Variants in MYO1A observed in about 807,000 individuals in gnomAD.
The protein encoded by MYO1A is myosin IA, also known as unconventional myosin-Ia.
MYO1A carries 127 observed loss-of-function variants against 138.5 expected under a neutral mutation model. That is an observed-to-expected ratio of 0.92 (90% confidence interval 0.79 to 1.06). The LOEUF (loss-of-function observed/expected upper bound fraction) is 1.06. MYO1A is among the 50% of genes least tolerant of loss of function. The pLI, the probability that MYO1A is intolerant of heterozygous loss-of-function variation, is 0.00. For synonymous variants in MYO1A, 477 were observed against 497.5 expected, an observed-to-expected ratio of 0.96 and a Z score of 0.55; for missense variants, 1,211 against 1,288.8, an observed-to-expected ratio of 0.94 and a Z score of 0.92.
In MYO1A at chr12:57,030,302, C is replaced by A. The variant is rs727504563; in HGVS notation, c.2499G>T (p.Arg833=). 37 of 1,613,990 alleles carry A rather than the reference C, an allele frequency of 2.3e-5. No individual in the cohort carries two copies. Among genetic ancestry groups the A allele is most frequent in the Non-Finnish European group, 3.0e-5 (35 of 1,180,018 alleles). ...CTACCTGCTTCGGGGACAGCTGATC[C>A]CGGAACCTCTTGCACTGTGAGGAAG... The part of the protein sequence containing the change: ...LFYQWKCKRF[R]DQLSPKQVEI... Residue 833 remains arginine, a synonymous_variant, in exon 24 of 28, where the codon CGG becomes CGT. Coordinates refer to ENST00000300119, the MANE Select transcript of MYO1A (RefSeq NM_005379.4).
At chr12:57,049,081 T>G (rs182924720) in intron 1 of MYO1A, among the ~76,000 whole-genome samples, 13 of 152,342 alleles carry the variant, frequency 8.5e-5, no homozygotes, top group Non-Finnish European at 1.5e-4. Flanking sequence ...TTTCCATCTC[T>G]AGCTTTTACA....
intron 8 of MYO1A, among the ~76,000 whole-genome samples, chr12:57,044,699 T>G (rs577670402): frequency 5.2e-4 from 79 of 152,358 alleles, no homozygotes; most frequent in Admixed American, 2.7e-3. Flanking sequence ...ACTAAATTTT[T>G]AAGTATACTT....
At position 57,041,229 on chromosome 12, in the gene MYO1A, G is replaced by A. The variant is rs1475547188; in HGVS notation, c.1224C>T (p.Phe408=). The stretch of plus-strand genomic sequence containing the variant: ...GCTCTTCTTTCAGGGTCATCTCTAT[G>A]AACACCTGCTGCAGCTTCTCATTGC... ...NYCNEKLQQV[F]IEMTLKEEQE... is the part of the protein sequence containing the mutation. Residue 408 remains phenylalanine, a synonymous_variant, in exon 14 of 28, where the codon TTC becomes TTT. Transcript: ENST00000300119. 2 of 1,613,792 alleles carry A rather than the reference G, an allele frequency of 1.2e-6. No homozygotes were observed. Among genetic ancestry groups the A allele is most frequent in the African/African-American group, 2.7e-5 (2 of 74,912 alleles).
In MYO1A at chr12:57,028,683, C is replaced by G; in HGVS notation, c.*72G>C. On this transcript the variant is annotated 3_prime_UTR_variant, in exon 28 of 28. Coordinates refer to ENST00000300119, the MANE Select transcript of MYO1A (RefSeq NM_005379.4). ...ATCAGAGGGGTTAGAGATCCTCCCA[C>G]ACAGGAGGGCAGAGGGGGATTAGTG... is the stretch of plus-strand genomic sequence containing the variant. The G allele has an allele frequency of 6.3e-7, 1 of 1,591,804 alleles. No homozygotes were observed. The highest frequency in any genetic ancestry group is 8.6e-7 in the Non-Finnish European group (1 of 1,165,702).
At position 57,046,611 on chromosome 12, in the gene MYO1A, C is replaced by G; in HGVS notation, c.581G>C (p.Gly194Ala). ...EKSRLVKQLKGERNFHIFYQL... is the reference protein window; with the variant it reads ...EKSRLVKQLKAERNFHIFYQL... ...ATAGAAGATGTGGAAGTTCCTTTCT[C>G]CTTTGAGCTGCTTCACTAATCGGGA... Residue 194 changes from glycine to alanine, a missense_variant, in exon 8 of 28, where the codon GGA (glycine) becomes GCA (alanine). By Grantham distance (60) the Gly-to-Ala change is moderately conservative (BLOSUM62 0). Coordinates refer to ENST00000300119, the MANE Select transcript of MYO1A (RefSeq NM_005379.4). 6.2e-7 allele frequency: 1 copy of G among 1,614,068 alleles called. No individual in the cohort carries two copies. Among genetic ancestry groups the G allele is most frequent in the Non-Finnish European group, 8.5e-7 (1 of 1,179,996 alleles).
Position 57,036,759 on chromosome 12 carries a change from C to T in MYO1A, c.2274+13G>A. On this transcript the variant is annotated intron_variant, in intron 21 of 27. Coordinates refer to ENST00000300119, the MANE Select transcript of MYO1A (RefSeq NM_005379.4). ...AAACAATGTGAGGAAACCTCTCTTC[C>T]ACTCTCCATTACCTTCCACCCTCTC... 6.2e-7 allele frequency: 1 copy of T among 1,613,996 alleles called. No individual in the cohort carries two copies. Among genetic ancestry groups the T allele is most frequent in the South Asian group, 1.1e-5 (1 of 91,084 alleles).
intron 22 of MYO1A, among the ~76,000 whole-genome samples, chr12:57,035,793 T>A (rs2030510942): frequency 6.6e-6 from 1 of 152,230 alleles, no homozygotes; most frequent in African/African-American, 2.4e-5. Flanking sequence ...CCATCCAGCC[T>A]GACCCACGTC....
intron 8 of MYO1A, 111 bp downstream of exon 8, chr12:57,046,441 G>A (rs2031091010): frequency 3.6e-6 from 3 of 824,844 alleles, no homozygotes; most frequent in Non-Finnish European, 6.3e-6. Flanking sequence ...GGAGGCTCAA[G>A]GGAAGAGGGC....
Position 57,048,258 on chromosome 12 carries a change from C to T in MYO1A, c.66G>A (p.Glu22=). The T allele has an allele frequency of 1.2e-6, 2 of 1,614,208 alleles. No homozygotes were observed. The highest frequency in any genetic ancestry group is 2.2e-5 in the East Asian group (1 of 44,874). ...GAAGCTGAAGATTCTTGAGCAGTGA[C>T]TCCTCCACCAAGGGTTCCAGGAGGA... The part of the protein sequence containing the change: ...DLVLLEPLVE[E]SLLKNLQLRY... The change falls in exon 2 of 28, where the codon GAG becomes GAA. Residue 22 remains glutamate, a synonymous_variant. Coordinates refer to ENST00000300119, the MANE Select transcript of MYO1A (RefSeq NM_005379.4).
chr12:57,028,683 C>A lies in MYO1A; in HGVS notation c.*72G>T. On this transcript the variant is annotated 3_prime_UTR_variant, in exon 28 of 28. Transcript: ENST00000300119. ...ATCAGAGGGGTTAGAGATCCTCCCA[C>A]ACAGGAGGGCAGAGGGGGATTAGTG... is the stretch of plus-strand genomic sequence containing the variant. 1.3e-6 allele frequency: 2 copies of A among 1,591,804 alleles called. No homozygotes were observed. Among genetic ancestry groups the A allele is most frequent in the Non-Finnish European group, 1.7e-6 (2 of 1,165,702 alleles).
At chr12:57,039,867 G>T (rs999771599) in intron 14 of MYO1A, among the ~76,000 whole-genome samples, 1 of 152,218 alleles carries the variant, frequency 6.6e-6, no homozygotes, top group Non-Finnish European at 1.5e-5. Context: ...GTTTCCAGGT[G>T]ATTTTGATAC....
Position 57,048,206 on chromosome 12 carries a change from T to C in MYO1A, c.114+4A>G, listed in dbSNP as rs1477552492. On this transcript the variant is annotated splice_donor_region_variant and intron_variant, in intron 2 of 27. Coordinates refer to ENST00000300119, the MANE Select transcript of MYO1A (RefSeq NM_005379.4). The stretch of plus-strand genomic sequence containing the variant: ...ACAGCCAGAGGCACCCATATGACAC[T>C]CACATAAATCTCCTTGTTTTCATAG... 1 of 1,612,522 alleles carries C rather than the reference T, an allele frequency of 6.2e-7. No individual in the cohort carries two copies. The highest frequency in any genetic ancestry group is 8.5e-7 in the Non-Finnish European group (1 of 1,178,670).
Position 57,047,118 on chromosome 12 carries a change from G to A in MYO1A, c.431-11C>T, listed in dbSNP as rs1243384037. ...TGGCATTGCCAAAAGCTACAGAGAT[G>A]AGGAGGGGAGAAGTGAAACTCTAGA... On this transcript the variant is annotated splice_polypyrimidine_tract_variant and intron_variant, in intron 5 of 27. Transcript: ENST00000300119. 6.2e-7 allele frequency: 1 copy of A among 1,614,008 alleles called. No individual in the cohort carries two copies. Among genetic ancestry groups the A allele is most frequent in the East Asian group, 2.2e-5 (1 of 44,872 alleles).
In MYO1A at chr12:57,048,266, C is replaced by T. The variant is rs779683492; in HGVS notation, c.58G>A (p.Val20Met). 4.1e-5 allele frequency: 66 copies of T among 1,614,102 alleles called. No individual in the cohort carries two copies. The highest frequency in any genetic ancestry group is 2.6e-4 in the South Asian group (24 of 91,084). The part of the protein sequence containing the change: ...VEDLVLLEPL[V>M]EESLLKNLQL... ...AGATTCTTGAGCAGTGACTCCTCCACCAAGGGTTCCAGGAGGACAAGATCC... is the reference window on the plus strand; with the variant it reads ...AGATTCTTGAGCAGTGACTCCTCCATCAAGGGTTCCAGGAGGACAAGATCC... The change falls in exon 2 of 28, where the codon GTG becomes ATG. Residue 20 changes from valine (V) to methionine (M), a missense_variant. Val to Met is a conservative substitution (Grantham distance 21). Coordinates refer to ENST00000300119, the MANE Select transcript of MYO1A (RefSeq NM_005379.4).
At chr12:57,046,435 G>A in intron 8 of MYO1A, 117 bp downstream of exon 8, 1 of 795,284 alleles carries the variant, frequency 1.3e-6, no homozygotes, top group Non-Finnish European at 2.2e-6. Flanking sequence ...AATCTGGGAG[G>A]CTCAAGGGAA....
chr12:57,047,534 G>T (rs988368298), intron 4 of MYO1A, 93 bp downstream of exon 4: 5 of 1,508,120 alleles, frequency 3.3e-6, no homozygotes, highest in Non-Finnish European at 4.6e-6. Flanking sequence ...GAAGTTCTGT[G>T]GGGTGGAGGG....
intron 14 of MYO1A, chr12:57,039,559 A>C (rs960479509): frequency 2.2e-6 from 1 of 449,174 alleles, no homozygotes; most frequent in East Asian, 4.6e-5. Context: ...GAAGTGTAAC[A>C]TGTTGAGTGA....
rs765730302 is a variant in MYO1A, at chr12:57,038,041, G to A, written c.1789C>T (p.Arg597Ter). Residue 597 changes from arginine (R) to a stop codon, truncating the protein, a stop_gained, in exon 18 of 28, where the codon CGA (arginine) becomes TGA (stop). Transcript: ENST00000300119. LOFTEE classifies it high-confidence loss of function. ...ACCAGGTCTGAAGAGAACTGACCTC[G>A]CTGCTGATGCTCATTGGGCTTTATG... ...RCIKPNEHQQ[R>*]GQFSSDLVAT... The A allele has an allele frequency of 5.6e-6, 9 of 1,614,088 alleles. No homozygotes were observed. Among genetic ancestry groups the A allele is most frequent in the South Asian group, 5.5e-5 (5 of 91,088 alleles).
chr12:57,043,634 G>A (rs963133613), intron 10 of MYO1A, among the ~76,000 whole-genome samples: 1 of 152,158 alleles, frequency 6.6e-6, no homozygotes, highest in Non-Finnish European at 1.5e-5. Context: ...AATCAACTCA[G>A]ACTCAGAGAA....
Sources: gnomAD v4.1 joint callset for allele counts (sites outside exome capture counted in the v4.1 genomes callset) on GRCh38, gnomAD v4.1.1 for gene constraint, MANE v1.5 for transcripts, NCBI Gene and HGNC (gene_info 2026-07-23, HGNC 2026-07-21) for gene names.